The following ATRN variants were observed in gnomAD, a reference collection of about 807,000 sequenced individuals.
The protein encoded by ATRN is attractin-2.
ATRN carries 54 observed loss-of-function variants against 178.7 expected under a neutral mutation model. That is an observed-to-expected ratio of 0.30 (90% CI 0.24 to 0.38). The LOEUF is 0.38. Ranked by LOEUF, ATRN falls within the 10% of genes least tolerant of loss-of-function variation. The pLI, the probability that ATRN is intolerant of heterozygous loss-of-function variation, is 1.00. For synonymous variants in ATRN, 636 were observed against 663.0 expected (o/e 0.96, Z 0.63); for missense variants, 1,443 against 1,815.1 (o/e 0.79, Z 3.73).
At chr20:3,551,961 T>C (rs535932001) in intron 6 of ATRN, among the ~76,000 whole-genome samples, 2 of 152,338 alleles carry the variant, frequency 1.3e-5, no homozygotes, top group African/African-American at 4.8e-5. Context: ...ATACCTGAAA[T>C]ATGGCTAGTG....
intron 1 of ATRN, among the ~76,000 whole-genome samples, chr20:3,518,572 T>C (rs939439634): frequency 1.1e-4 from 17 of 152,190 alleles, no homozygotes; most frequent in Non-Finnish European, 1.3e-4. Context: ...AAAAGTCACT[T>C]GTACACTTCA....
At chr20:3,524,040 TGAC>T (rs1302177573) in intron 1 of ATRN, among the ~76,000 whole-genome samples, 1 of 152,172 alleles carries the variant, frequency 6.6e-6, no homozygotes, top group Non-Finnish European at 1.5e-5. Flanking sequence ...AGCATCATAA[TGAC>T]AAGATCAGAT....
At chr20:3,545,490 A>G (rs1032063068) in intron 3 of ATRN, among the ~76,000 whole-genome samples, 1 of 152,204 alleles carries the variant, frequency 6.6e-6, no homozygotes, top group African/African-American at 2.4e-5. Context: ...AGCAGTATAA[A>G]AAGTTTTATA....
chr20:3,566,904 CA>C (rs33920660), intron 11 of ATRN, among the ~76,000 whole-genome samples: 147 of 86,452 alleles, frequency 1.7e-3, no homozygotes, highest in African/African-American at 4.9e-3. Context: ...GACTCCATCT[CA>C]AAAAAAAAAA....
At chr20:3,547,632 T>C in intron 5 of ATRN, 143 bp downstream of exon 5, 1 of 739,010 alleles carries the variant, frequency 1.4e-6, no homozygotes, top group South Asian at 2.0e-5. Flanking sequence ...AACATCCCTC[T>C]ATCTAGCTGC....
intron 27 of ATRN, among the ~76,000 whole-genome samples, chr20:3,642,143 C>T (rs1204988494): frequency 6.6e-6 from 1 of 152,216 alleles, no homozygotes; most frequent in African/African-American, 2.4e-5. Context: ...CATCTTTTGA[C>T]AGTGGTGTGC....
chr20:3,516,037 A>G (rs1307235819), intron 1 of ATRN, among the ~76,000 whole-genome samples: 2 of 152,226 alleles, frequency 1.3e-5, no homozygotes, highest in African/African-American at 4.8e-5. Flanking sequence ...GAAATAGTCA[A>G]CAGAACAGGC....
At chr20:3,634,545 G>A (rs2087012147) in intron 26 of ATRN, among the ~76,000 whole-genome samples, 156 bp downstream of exon 26, 1 of 152,198 alleles carries the variant, frequency 6.6e-6, no homozygotes, top group Non-Finnish European at 1.5e-5. Context: ...CCATGGTTCT[G>A]CAGCATATGG....
intron 1 of ATRN, among the ~76,000 whole-genome samples, chr20:3,532,049 A>G (rs117939134): frequency 0.044 from 6,763 of 152,206 alleles, 169 homozygotes; most frequent in Non-Finnish European, 0.058. Context: ...AGGATCACCT[A>G]AGCCCAGGAG....
intron 24 of ATRN, among the ~76,000 whole-genome samples, chr20:3,618,952 G>A (rs1037797210): frequency 1.3e-5 from 2 of 152,236 alleles, no homozygotes; most frequent in East Asian, 1.9e-4. Flanking sequence ...CAGGGCTCAC[G>A]GAATCTTCCA....
chr20:3,625,519 G>T (rs1188828311), intron 25 of ATRN, among the ~76,000 whole-genome samples: 3 of 152,046 alleles, frequency 2.0e-5, no homozygotes, highest in Admixed American at 1.3e-4. Context: ...TTTTCTATGT[G>T]CCTACCCCTG....
intron 11 of ATRN, among the ~76,000 whole-genome samples, chr20:3,571,906 T>C (rs1168361840): frequency 6.6e-6 from 1 of 152,192 alleles, no homozygotes; most frequent in Non-Finnish European, 1.5e-5. Flanking sequence ...TCTTAGGTTA[T>C]AGAGAAATTC....
chr20:3,576,874 T>C lies in ATRN; in HGVS notation c.2230T>C (p.Tyr744His). ...CSEGQISIFR[Y>H]ENCPKDNPMY... ...TGTGTTCTAGATCTCCATTTTTAGGTATGAGAATTGCCCCAAGGATAACCC... is the reference window on the plus strand; with the variant it reads ...TGTGTTCTAGATCTCCATTTTTAGGCATGAGAATTGCCCCAAGGATAACCC... The change falls in exon 14 of 29, where the codon TAT becomes CAT. Residue 744 changes from tyrosine (Y) to histidine (H), a missense_variant. Physicochemically the swap from Tyr to His is moderately conservative, Grantham distance 83 (BLOSUM62 2). Around this residue, in one of 4 missense-constraint regions of ATRN, gnomAD observed 862 missense variants for 972.1 expected, o/e 0.89. Transcript: ENST00000262919. 4 of 1,614,128 alleles carry C rather than the reference T, an allele frequency of 2.5e-6. No individual in the cohort carries two copies. Among genetic ancestry groups the C allele is most frequent in the Non-Finnish European group, 3.4e-6 (4 of 1,180,006 alleles).
intron 23 of ATRN, among the ~76,000 whole-genome samples, chr20:3,602,778 A>G (rs2086627716): frequency 6.6e-6 from 1 of 151,860 alleles, no homozygotes; most frequent in African/African-American, 2.4e-5. Context: ...AGCCTGACCA[A>G]CATGGTGAAA....
At chr20:3,556,472 C>G (rs537915901) in intron 6 of ATRN, among the ~76,000 whole-genome samples, 2 of 152,164 alleles carry the variant, frequency 1.3e-5, no homozygotes, top group Non-Finnish European at 2.9e-5. Flanking sequence ...CTTTAGGTGG[C>G]CCGATTGGGT....
chr20:3,536,050 G>T (rs774865084), intron 2 of ATRN, among the ~76,000 whole-genome samples: 9 of 152,108 alleles, frequency 5.9e-5, no homozygotes, highest in Middle Eastern at 3.4e-3. Context: ...TTGCCTAAAT[G>T]ATCCCTTCTC....
intron 13 of ATRN, 108 bp downstream of exon 13, chr20:3,576,056 G>A (rs1600122327): frequency 8.0e-7 from 1 of 1,255,268 alleles, no homozygotes; most frequent in African/African-American, 1.5e-5. Flanking sequence ...TTTCAAATGG[G>A]TTTCTATTTG....
chr20:3,565,642 T>A (rs988650914), intron 11 of ATRN, among the ~76,000 whole-genome samples: 7 of 151,994 alleles, frequency 4.6e-5, no homozygotes, highest in African/African-American at 1.7e-4. Flanking sequence ...AGTGCGTGCC[T>A]GTAATCCCCC....
chr20:3,492,651 A>G (rs1024062680), intron 1 of ATRN, among the ~76,000 whole-genome samples: 1 of 152,150 alleles, frequency 6.6e-6, no homozygotes, highest in Non-Finnish European at 1.5e-5. Flanking sequence ...GATATCAAGT[A>G]CAGGAAGAAA....
Sources: gnomAD v4.1 joint callset for allele counts (sites outside exome capture counted in the v4.1 genomes callset) on GRCh38, gnomAD v4.1.1 for gene constraint, gnomAD v4.1.1 regional missense constraint, MANE v1.5 for transcripts, NCBI Gene and HGNC (gene_info 2026-07-23, HGNC 2026-07-21) for gene names.